Variants in ADGRL3 observed in about 807,000 individuals in gnomAD.
ADGRL3 encodes the protein calcium-independent alpha-latrotoxin receptor 3.
In ADGRL3, 62 loss-of-function variants were observed where a neutral mutation model predicts 153.5. The ratio of observed to expected loss-of-function variants is 0.40; its 90% confidence interval spans 0.33 to 0.50. The LOEUF is 0.50. Ranked by LOEUF, ADGRL3 falls within the 20% of genes least tolerant of loss-of-function variation. The probability of loss-of-function intolerance (pLI) is 0.47; values close to 1 mark genes in which losing one functional copy is unlikely to be tolerated. For missense variants in ADGRL3, 1,641 were observed against 1,859.4 expected (o/e 0.88, Z 2.16); for synonymous variants, 710 against 672.5 (o/e 1.06, Z -0.86).
intron 1 of ADGRL3, among the ~76,000 whole-genome samples, chr4:61,373,663 AC>A (rs2096568490): frequency 1.3e-5 from 2 of 152,256 alleles, no homozygotes; most frequent in South Asian, 4.2e-4. Context: ...CTGTTCTTTG[AC>A]TTTTGTTATT....
chr4:61,405,845 A>AACGC (rs1369198213), intron 2 of ADGRL3, among the ~76,000 whole-genome samples: 1 of 151,990 alleles, frequency 6.6e-6, no homozygotes, highest in East Asian at 1.9e-4. Context: ...TCAGAAAAAG[A>AACGC]ACGCATTTTC....
chr4:61,416,857 A>G (rs1024113118), intron 2 of ADGRL3, among the ~76,000 whole-genome samples: 8 of 152,154 alleles, frequency 5.3e-5, no homozygotes, highest in Admixed American at 6.5e-5. Flanking sequence ...ATTCTAATAT[A>G]TAATGAAATA....
chr4:61,993,750 CCT>C (rs146822675), intron 19 of ADGRL3, among the ~76,000 whole-genome samples: 3 of 150,806 alleles, frequency 2.0e-5, no homozygotes, highest in Non-Finnish European at 3.0e-5. Flanking sequence ...ACACATACAC[CCT>C]CTCTCTCTCT....
chr4:61,494,082 G>A lies in ADGRL3; in HGVS notation c.-173-3039G>A, dbSNP rs116480688. Reference sequence around the variant, plus strand: ...GACTTCATTTACTTTACTGTGTCCTGTTTTTTTTTTTTTTTCACTACAGTA... The same window carrying A: ...GACTTCATTTACTTTACTGTGTCCTATTTTTTTTTTTTTTTCACTACAGTA... On this transcript the variant is annotated intron_variant, in intron 2 of 26. Coordinates refer to ENST00000683033, the MANE Select transcript of ADGRL3 (RefSeq NM_001387552.1). Among the ~76,000 whole-genome samples, 10 of 130,212 alleles carry A rather than the reference G, an allele frequency of 7.7e-5. No homozygotes were observed. In the Admixed American group the frequency reaches 7.8e-4, roughly 10 times the overall value. The allele number at this position is 130,212 out of a possible 152,430, so 85.4% of individuals were successfully genotyped here. A position where few individuals can be genotyped will look rare whatever the true frequency, so the allele number is the denominator to read the frequency against.
At chr4:61,505,288 A>T (rs2098420175) in intron 3 of ADGRL3, among the ~76,000 whole-genome samples, 1 of 152,118 alleles carries the variant, frequency 6.6e-6, no homozygotes, top group African/African-American at 2.4e-5. Context: ...CTCATTTTAA[A>T]ATCAGATTGA....
intron 9 of ADGRL3, among the ~76,000 whole-genome samples, chr4:61,865,712 C>G (rs1036649017): frequency 6.6e-6 from 1 of 152,156 alleles, no homozygotes; most frequent in Non-Finnish European, 1.5e-5. Flanking sequence ...TTCTCAGTTT[C>G]TCCACCTGAT....
chr4:61,425,385 G>A (rs1047317498), intron 2 of ADGRL3: 1 of 152,364 alleles, frequency 6.6e-6, no homozygotes, highest in Non-Finnish European at 1.5e-5. Context: ...GAAGCTAAGT[G>A]TATGTGGCAG....
chr4:61,845,198 C>T lies in ADGRL3; in HGVS notation c.1480+31309C>T, dbSNP rs577160770. On this transcript the variant is annotated intron_variant, in intron 9 of 26. Transcript: ENST00000683033. Reference sequence around the variant, plus strand: ...TTGATTCACAAAATGTTTTGGAATGCCCCCTCACCTTTTCTTTTGGGGACA... The same window carrying T: ...TTGATTCACAAAATGTTTTGGAATGTCCCCTCACCTTTTCTTTTGGGGACA... 7.9e-5 allele frequency among the ~76,000 whole-genome samples: 12 copies of T among 151,990 alleles called. 1 individual carries two copies. The South Asian group carries it at 2.5e-3, about 32-fold the overall frequency.
chr4:61,811,440 C>T (rs981719876), intron 8 of ADGRL3, among the ~76,000 whole-genome samples: 1 of 151,800 alleles, frequency 6.6e-6, no homozygotes. Context: ...GGCAAATCTA[C>T]AGAAACAGAA....
rs867457524 is a variant in ADGRL3 at position 61,432,614 on chromosome 4, C to T, written c.-174+49425C>T. 3.1e-4 allele frequency among the ~76,000 whole-genome samples: 22 copies of T among 70,708 alleles called. 3 individuals are homozygous for T. Among genetic ancestry groups the T allele is most frequent in the African/African-American group, 7.5e-4 (14 of 18,592 alleles). 46.4% of individuals were successfully genotyped at this position (70,708 alleles called of 152,430 possible). A position where few individuals can be genotyped will look rare whatever the true frequency, so the allele number is the denominator to read the frequency against. ...TCTTTCTTTCTTTCTTTCTTTCTTT[C>T]TTTCTTTCTTTCTTTCTTTCTTTCT... On this transcript the variant is annotated intron_variant, in intron 2 of 26. Coordinates refer to ENST00000683033, the MANE Select transcript of ADGRL3 (RefSeq NM_001387552.1).
intron 11 of ADGRL3, among the ~76,000 whole-genome samples, chr4:61,904,617 C>T (rs561114581): frequency 1.3e-4 from 20 of 151,678 alleles, no homozygotes; most frequent in Admixed American, 4.6e-4. Flanking sequence ...TCCACCTTTT[C>T]GTTTCCCACT....
At chr4:61,765,028 G>A (rs547512395) in intron 8 of ADGRL3, among the ~76,000 whole-genome samples, 66 of 152,192 alleles carry the variant, frequency 4.3e-4, no homozygotes, top group South Asian at 2.5e-3. Flanking sequence ...GAATTGGGAC[G>A]ACTCAGGATA....
chr4:61,530,589 G>A (rs1282592687), intron 4 of ADGRL3, among the ~76,000 whole-genome samples: 1 of 151,962 alleles, frequency 6.6e-6, no homozygotes, highest in Non-Finnish European at 1.5e-5. Flanking sequence ...TGAGGGGGTG[G>A]GATAATATGT....
intron 2 of ADGRL3, among the ~76,000 whole-genome samples, chr4:61,384,664 C>T (rs1346276299): frequency 3.3e-5 from 5 of 151,740 alleles, no homozygotes; most frequent in Non-Finnish European, 5.9e-5. Flanking sequence ...TTTTATTTAA[C>T]GGAAGTTTAA....
At chr4:61,625,293 G>T (rs1377877339) in intron 5 of ADGRL3, among the ~76,000 whole-genome samples, 1 of 151,878 alleles carries the variant, frequency 6.6e-6, no homozygotes, top group East Asian at 1.9e-4. Flanking sequence ...TCTTTATGTG[G>T]AGTGCTCAGA....
intron 1 of ADGRL3, among the ~76,000 whole-genome samples, chr4:61,218,277 C>T (rs376154106): frequency 6.6e-6 from 1 of 151,088 alleles, no homozygotes; most frequent in African/African-American, 2.4e-5. Context: ...AATCATTAAT[C>T]GTTTTCATTC....
chr4:61,683,521 T>A (rs921144885), intron 6 of ADGRL3, among the ~76,000 whole-genome samples: 1 of 152,120 alleles, frequency 6.6e-6, no homozygotes, highest in African/African-American at 2.4e-5. Context: ...GGGTCTCTTA[T>A]GAACCCACAA....
At chr4:61,698,676 T>A (rs893654466) in intron 6 of ADGRL3, among the ~76,000 whole-genome samples, 1 of 152,186 alleles carries the variant, frequency 6.6e-6, no homozygotes, top group Non-Finnish European at 1.5e-5. Flanking sequence ...GTTTATCTTA[T>A]GACATATGTG....
chr4:61,951,262 C>G (rs1235999075), intron 17 of ADGRL3, among the ~76,000 whole-genome samples: 1 of 152,046 alleles, frequency 6.6e-6, no homozygotes, highest in Non-Finnish European at 1.5e-5. Flanking sequence ...ACCAAAGACA[C>G]ACAATCTGAA....
Sources: gnomAD v4.1 joint callset for allele counts (sites outside exome capture counted in the v4.1 genomes callset) on GRCh38, gnomAD v4.1.1 for gene constraint, MANE v1.5 for transcripts, NCBI Gene and HGNC (gene_info 2026-07-23, HGNC 2026-07-21) for gene names.